The following EML6 variants were observed in gnomAD, a reference collection of about 807,000 sequenced individuals.
EML6 encodes the protein EMAP like 6.
In EML6, 154 loss-of-function variants were observed where a neutral mutation model predicts 240.1. The ratio of observed to expected loss-of-function variants is 0.64; its 90% confidence interval spans 0.56 to 0.73. The LOEUF (loss-of-function observed/expected upper bound fraction) is 0.73, where lower values mean the gene tolerates loss of function less well. EML6 is among the 30% of genes least tolerant of loss of function. The probability of loss-of-function intolerance (pLI) is 0.00; values close to 1 mark genes in which losing one functional copy is unlikely to be tolerated. For missense variants in EML6, 2,964 were observed against 2,474.6 expected, an observed-to-expected ratio of 1.20 and a Z score of -4.20; for synonymous variants, 1,148 against 899.0, an observed-to-expected ratio of 1.28 and a Z score of -4.95.
intron 2 of EML6, among the ~76,000 whole-genome samples, chr2:54,812,867 TAA>T (rs1181090988): frequency 6.6e-6 from 1 of 152,088 alleles, no homozygotes; most frequent in Non-Finnish European, 1.5e-5. Flanking sequence ...AAAAAAAAAT[TAA>T]AGTCAAAAGC....
chr2:54,921,232 A>G (rs1025472921), intron 26 of EML6, among the ~76,000 whole-genome samples: 4 of 152,142 alleles, frequency 2.6e-5, no homozygotes, highest in Admixed American at 2.0e-4. Flanking sequence ...CCCAAAAGCT[A>G]TTAGAATTAA....
chr2:54,910,299 G>A (rs1307535216), intron 24 of EML6, among the ~76,000 whole-genome samples: 1 of 152,226 alleles, frequency 6.6e-6, no homozygotes, highest in Non-Finnish European at 1.5e-5. Context: ...TGTTGCCATT[G>A]TAGGAGGAGA....
intron 28 of EML6, among the ~76,000 whole-genome samples, chr2:54,948,510 A>G (rs1675803469): frequency 6.6e-6 from 1 of 152,238 alleles, no homozygotes; most frequent in Admixed American, 6.5e-5. Context: ...CAGCAAGTCC[A>G]GGAAATGTGG....
chr2:54,916,359 C>G (rs1040270205), intron 25 of EML6, among the ~76,000 whole-genome samples: 2 of 152,298 alleles, frequency 1.3e-5, no homozygotes, highest in South Asian at 4.1e-4. Flanking sequence ...CAGAGATGCT[C>G]TAAACATCCT....
At chr2:54,895,896 G>A (rs1332494831) in intron 21 of EML6, among the ~76,000 whole-genome samples, 4 of 152,022 alleles carry the variant, frequency 2.6e-5, no homozygotes, top group Admixed American at 6.5e-5. Flanking sequence ...AAACAGAGGG[G>A]AAAAAAATAG....
In EML6 at chr2:54,725,883, G is replaced by C. The variant is rs1682886672; in HGVS notation, c.197+625G>C. 6.6e-6 allele frequency among the ~76,000 whole-genome samples: 1 copy of C among 152,186 alleles called. No individual in the cohort carries two copies. The highest frequency in any genetic ancestry group is 1.5e-5 in the Non-Finnish European group (1 of 68,038). On this transcript the variant is annotated intron_variant, in intron 2 of 41. Transcript: ENST00000356458. The surrounding 1 kb of genome is among the most constrained non-coding windows in gnomAD (Gnocchi z 4.3). ...GGTTATTAAAGGCTGGCAGCTGCTGGATCACAAAATCCTACCAGCCAGCCC... is the reference window on the plus strand; with the variant it reads ...GGTTATTAAAGGCTGGCAGCTGCTGCATCACAAAATCCTACCAGCCAGCCC...
At chr2:54,969,617 C>T (rs1316593712) in intron 41 of EML6, among the ~76,000 whole-genome samples, 5 of 152,194 alleles carry the variant, frequency 3.3e-5, no homozygotes, top group African/African-American at 1.2e-4. Context: ...CACCCCAATG[C>T]AGGGGATACA....
intron 28 of EML6, among the ~76,000 whole-genome samples, chr2:54,929,269 C>G (rs183705094): frequency 6.6e-6 from 1 of 152,178 alleles, no homozygotes; most frequent in Non-Finnish European, 1.5e-5. Context: ...GCATTTCCAG[C>G]CTATCCCATT....
At chr2:54,789,151 A>C (rs1270298809) in intron 2 of EML6, among the ~76,000 whole-genome samples, 3 of 152,204 alleles carry the variant, frequency 2.0e-5, no homozygotes, top group Non-Finnish European at 2.9e-5. Context: ...TACTTGCGTA[A>C]ACAAACAAAA....
At chr2:54,919,486 G>C (rs1253512890) in intron 26 of EML6, among the ~76,000 whole-genome samples, 2 of 152,072 alleles carry the variant, frequency 1.3e-5, no homozygotes, top group Non-Finnish European at 2.9e-5. Flanking sequence ...GTAGCCCTGA[G>C]ATACACATCT....
At chr2:54,879,495 T>C (rs761006254) in intron 16 of EML6, 52 bp from the exon 17 acceptor site, 11 of 1,154,606 alleles carry the variant, frequency 9.5e-6, no homozygotes, top group Non-Finnish European at 1.4e-5. Flanking sequence ...GTGTATGAAA[T>C]GTTTTGTTTT....
Position 54,724,496 on chromosome 2 carries a change from A to G in EML6, c.-513-53A>G, listed in dbSNP as rs1278548152. 6.6e-6 allele frequency: 1 copy of G among 152,118 alleles called. No individual in the cohort carries two copies. The highest frequency in any genetic ancestry group is 1.9e-4 in the East Asian group (1 of 5,180). The allele number at this position is 152,118 out of a possible 1,614,324, so 9.4% of individuals were successfully genotyped here. A position where few individuals can be genotyped will look rare whatever the true frequency, so the allele number is the denominator to read the frequency against. On this transcript the variant is annotated intron_variant, in intron 1 of 41. Transcript: ENST00000356458. This position sits in a 1 kb window ranked among gnomAD's most constrained non-coding sequence, Gnocchi z 5.2. ...GGGGATAATTTTCTTGGATTGGGTG[A>G]CTTATGCGAAAAATCTGTTTCTTTC... is the stretch of plus-strand genomic sequence containing the variant.
intron 5 of EML6, among the ~76,000 whole-genome samples, 157 bp from the exon 6 acceptor site, chr2:54,827,409 T>C (rs1261793773): frequency 6.6e-6 from 1 of 152,206 alleles, no homozygotes; most frequent in Non-Finnish European, 1.5e-5. Context: ...AATGCTTTTG[T>C]GTTACATGTT....
chr2:54,826,799 C>T (rs762757295), intron 5 of EML6, among the ~76,000 whole-genome samples: 4 of 152,090 alleles, frequency 2.6e-5, no homozygotes, highest in South Asian at 2.1e-4. Flanking sequence ...ATTTATGAAA[C>T]GTTTCTAAGT....
intron 16 of EML6, among the ~76,000 whole-genome samples, chr2:54,876,050 G>A (rs1373778870): frequency 6.6e-6 from 1 of 152,090 alleles, no homozygotes; most frequent in Non-Finnish European, 1.5e-5. Context: ...CTTTACTACT[G>A]ACATTAAATG....
chr2:54,834,303 A>T (rs1558591416), intron 7 of EML6, among the ~76,000 whole-genome samples: 1 of 152,178 alleles, frequency 6.6e-6, no homozygotes, highest in Non-Finnish European at 1.5e-5. Flanking sequence ...TTTAAAACAC[A>T]TTTATGATCT....
intron 22 of EML6, among the ~76,000 whole-genome samples, chr2:54,902,285 T>A (rs1477429979): frequency 3.3e-5 from 5 of 152,212 alleles, no homozygotes; most frequent in Non-Finnish European, 4.4e-5. Context: ...ACCCCACTTA[T>A]TTTTTGGAAA....
intron 2 of EML6, among the ~76,000 whole-genome samples, chr2:54,812,120 C>T (rs538590913): frequency 1.2e-3 from 179 of 152,156 alleles, no homozygotes; most frequent in Non-Finnish European, 5.3e-4. Context: ...ATTCAGTGTT[C>T]GCTCTGTACC....
intron 26 of EML6, among the ~76,000 whole-genome samples, chr2:54,921,405 C>T (rs1162241043): frequency 1.3e-5 from 2 of 152,052 alleles, no homozygotes; most frequent in Non-Finnish European, 2.9e-5. Context: ...ATCTGTAAGA[C>T]ACTCATGAAA....
Sources: gnomAD v4.1 joint callset for allele counts (sites outside exome capture counted in the v4.1 genomes callset) on GRCh38, gnomAD v4.1.1 for gene constraint, Gnocchi (gnomAD v3.1) non-coding constraint, MANE v1.5 for transcripts, NCBI Gene and HGNC (gene_info 2026-07-23, HGNC 2026-07-21) for gene names.